Variants in CDH3 observed in about 807,000 individuals in gnomAD.
The protein encoded by CDH3 is cadherin 3.
A neutral mutation model predicts 82.0 loss-of-function variants in CDH3; 54 were observed. That is an observed-to-expected ratio of 0.66 (90% CI 0.53 to 0.83). The LOEUF is 0.83. Ranked by LOEUF, CDH3 falls within the 40% of genes least tolerant of loss-of-function variation. CDH3 has a pLI of 0.00. For missense variants in CDH3, 1,054 were observed against 1,084.6 expected (o/e 0.97, Z 0.40); for synonymous variants, 446 against 437.9 (o/e 1.02, Z -0.23).
At chr16:68,703,860 T>C (rs961159497), downstream of CDH3, among the ~76,000 whole-genome samples, 1 of 152,074 alleles carries the variant, frequency 6.6e-6, no homozygotes, top group East Asian at 1.9e-4. Flanking sequence ...GGCAGGAGAA[T>C]CTCTTGAACC....
chr16:68,702,573 A>T (rs925038820), downstream of CDH3, among the ~76,000 whole-genome samples: 2 of 152,150 alleles, frequency 1.3e-5, no homozygotes, highest in Non-Finnish European at 2.9e-5. Flanking sequence ...ACAGAAAAGA[A>T]AAGTGGAGCT....
chr16:68,726,090 C>G (rs1487871378), intron 2 of CDH3, among the ~76,000 whole-genome samples: 1 of 152,128 alleles, frequency 6.6e-6, no homozygotes, highest in African/African-American at 2.4e-5. Context: ...AATTCAGAAG[C>G]AGGCAGTCAG....
At chr16:68,714,225 C>G (rs1962066367) in intron 1 of CDH3, among the ~76,000 whole-genome samples, 1 of 152,184 alleles carries the variant, frequency 6.6e-6, no homozygotes, top group Admixed American at 6.5e-5. Context: ...TGAGCCACCG[C>G]ACCCAGCCCC....
chr16:68,718,240 G>C (rs1962117206), intron 1 of CDH3, among the ~76,000 whole-genome samples: 2 of 152,152 alleles, frequency 1.3e-5, no homozygotes, highest in African/African-American at 4.8e-5. Context: ...CTGAGCTCAA[G>C]TGATCCTCCC....
At chr16:68,710,750 A>C (rs1460134925) in intron 1 of CDH3, among the ~76,000 whole-genome samples, 1 of 151,436 alleles carries the variant, frequency 6.6e-6, no homozygotes, top group Non-Finnish European at 1.5e-5. Context: ...AGGCCGGGGC[A>C]GGAGTAATCG....
At chr16:68,731,036 AAAAAAAAAAAAAT>A (rs1962277115), downstream of CDH3, among the ~76,000 whole-genome samples, 5 of 36,536 alleles carry the variant, frequency 1.4e-4, no homozygotes, top group African/African-American at 2.6e-4. Context: ...AAAAAAAAAA[AAAAAAAAAAAAAT>A]ATATATATAT....
intron 15 of CDH3, 60 bp from the exon 16 acceptor site, chr16:68,698,131 C>G (rs1961788497): frequency 1.3e-6 from 2 of 1,501,708 alleles, no homozygotes; most frequent in Non-Finnish European, 1.9e-6. Flanking sequence ...GAAATGGAGG[C>G]TTGCAGCTGG....
At chr16:68,670,672 G>A (rs554501455) in intron 2 of CDH3, among the ~76,000 whole-genome samples, 11 of 152,236 alleles carry the variant, frequency 7.2e-5, no homozygotes, top group African/African-American at 2.2e-4. Context: ...TTCCAAATGA[G>A]AAAGCATAAA....
chr16:68,701,595 G>T (rs2152108811), downstream of CDH3, among the ~76,000 whole-genome samples: 1 of 149,898 alleles, frequency 6.7e-6, no homozygotes, highest in African/African-American at 2.5e-5. Context: ...CCCGGGGCTA[G>T]AGTGCAGTGG....
chr16:68,686,709 A>G (rs2152103407), intron 11 of CDH3: 2 of 751,062 alleles, frequency 2.7e-6, no homozygotes, highest in Admixed American at 3.5e-5. Context: ...TTGGAATGGC[A>G]TCAACGTGAA....
intron 11 of CDH3, among the ~76,000 whole-genome samples, chr16:68,686,095 C>T (rs1961403587): frequency 6.6e-6 from 1 of 152,256 alleles, no homozygotes; most frequent in South Asian, 2.1e-4. Flanking sequence ...GCAGGTGGAT[C>T]ACCTGAGGTC....
chr16:68,731,515 TACACAC>T (rs1184478445), downstream of CDH3, among the ~76,000 whole-genome samples: 2 of 33,678 alleles, frequency 5.9e-5, 1 homozygote, highest in Non-Finnish European at 1.5e-4. Flanking sequence ...CACACACATA[TACACAC>T]ACACACACAC....
At chr16:68,686,400 A>C in intron 11 of CDH3, 1 of 1,345,970 alleles carries the variant, frequency 7.4e-7, no homozygotes, top group Non-Finnish European at 1.1e-6. Flanking sequence ...AGCATTTAGA[A>C]AGTTTCTTCC....
At chr16:68,698,096 A>T in intron 15 of CDH3, 95 bp from the exon 16 acceptor site, 2 of 1,072,788 alleles carry the variant, frequency 1.9e-6, no homozygotes, top group Non-Finnish European at 2.9e-6. Context: ...CCTTTAGGGG[A>T]GGGGAGAGAG....
intron 11 of CDH3, among the ~76,000 whole-genome samples, chr16:68,687,249 A>G (rs1382604852): frequency 6.6e-6 from 1 of 152,226 alleles, no homozygotes; most frequent in East Asian, 1.9e-4. Context: ...ACACTGGAGT[A>G]ACCCTGAAGT....
At position 68,685,197 on chromosome 16, in the gene CDH3, C is replaced by G. The variant is rs1961370482; in HGVS notation, c.1425-8C>G. 6.2e-7 allele frequency: 1 copy of G among 1,613,898 alleles called. No homozygotes were observed. The highest frequency in any genetic ancestry group is 8.5e-7 in the Non-Finnish European group (1 of 1,180,024). ...CTGGATGTACTCGTCTCAACTTTTC[C>G]TCTCCAGCTACCGCATCCTGAGAGA... On this transcript the variant is annotated splice_region_variant and splice_polypyrimidine_tract_variant and intron_variant, in intron 10 of 15. Coordinates refer to ENST00000264012, the MANE Select transcript of CDH3 (RefSeq NM_001793.6).
chr16:68,686,238 A>G (rs549962017), intron 11 of CDH3, among the ~76,000 whole-genome samples: 1 of 151,320 alleles, frequency 6.6e-6, no homozygotes, highest in Non-Finnish European at 1.5e-5. Flanking sequence ...GAATTGCAGC[A>G]CGCCTCGGGG....
chr16:68,729,468 T>C (rs568487957), downstream of CDH3, among the ~76,000 whole-genome samples: 1 of 152,276 alleles, frequency 6.6e-6, no homozygotes, highest in South Asian at 2.1e-4. Flanking sequence ...TCACAGTGTA[T>C]ACAAATACCA....
chr16:68,688,344 C>G (rs1961474233), intron 12 of CDH3, among the ~76,000 whole-genome samples: 1 of 151,982 alleles, frequency 6.6e-6, no homozygotes, highest in African/African-American at 2.4e-5. Flanking sequence ...AATCCCAGCA[C>G]TTTGGGAGCC....
Sources: allele counts gnomAD v4.1 joint callset (sites outside exome capture counted in the v4.1 genomes callset), GRCh38; gene constraint gnomAD v4.1.1; transcripts MANE v1.5; gene names NCBI Gene and HGNC (gene_info 2026-07-23, HGNC 2026-07-21).